CUL4A: variants seen among roughly 807,000 people sequenced by gnomAD.
The protein encoded by CUL4A is cullin-4A.
CUL4A carries 16 observed loss-of-function variants against 95.5 expected under a neutral mutation model. That is an observed-to-expected ratio of 0.17 (90% CI 0.11 to 0.25). The LOEUF (loss-of-function observed/expected upper bound fraction) is 0.25, where lower values mean the gene tolerates loss of function less well. Among genes scored for constraint, CUL4A ranks in the 10% least tolerant of loss-of-function variants. The pLI is 1.00. For synonymous variants in CUL4A, 380 were observed against 353.1 expected (o/e 1.08, Z -0.85); for missense variants, 610 against 937.0 (o/e 0.65, Z 4.56).
chr13:113,261,484 T>G (rs776589454), intron 19 of CUL4A, among the ~76,000 whole-genome samples: 2 of 152,166 alleles, frequency 1.3e-5, no homozygotes, highest in Non-Finnish European at 2.9e-5. Flanking sequence ...GAAGTGCCAC[T>G]GTCCATCAGC....
In CUL4A at chr13:113,245,242, G is replaced by A. The variant is rs756178940; in HGVS notation, c.1530+5G>A. On this transcript the variant is annotated splice_donor_5th_base_variant and intron_variant, in intron 14 of 19. Transcript: ENST00000375440. The stretch of plus-strand genomic sequence containing the variant: ...ATCATGGTTCATTTCAAGCAGGTGA[G>A]TTGTGTTTCTTAGGTAAAGCGGCTT... 6.2e-7 allele frequency: 1 copy of A among 1,613,886 alleles called. No homozygotes were observed.
At chr13:113,244,762 C>T (rs545540880) in intron 12 of CUL4A, among the ~76,000 whole-genome samples, 187 bp from the exon 13 acceptor site, 16 of 151,744 alleles carry the variant, frequency 1.1e-4, no homozygotes, top group South Asian at 4.2e-4. Flanking sequence ...ATGGCGTGAA[C>T]GCGGGAGGCG....
chr13:113,228,185 C>T, intron 4 of CUL4A, 140 bp downstream of exon 4: 1 of 673,842 alleles, frequency 1.5e-6, no homozygotes, highest in Non-Finnish European at 2.6e-6. Flanking sequence ...ATGAGAAAAG[C>T]AGGGAAGGTG....
At chr13:113,218,721 T>C (rs2040785430) in intron 2 of CUL4A, among the ~76,000 whole-genome samples, 1 of 152,192 alleles carries the variant, frequency 6.6e-6, no homozygotes, top group Non-Finnish European at 1.5e-5. Context: ...ACATTAACTG[T>C]TGTTACCTCT....
At chr13:113,249,370 T>C (rs2041936216) in intron 15 of CUL4A, among the ~76,000 whole-genome samples, 1 of 152,174 alleles carries the variant, frequency 6.6e-6, no homozygotes, top group Non-Finnish European at 1.5e-5. Context: ...CAGCGCTTTA[T>C]TCCATCCATG....
intron 5 of CUL4A, among the ~76,000 whole-genome samples, chr13:113,232,015 C>G: frequency 1.4e-5 from 1 of 69,400 alleles, no homozygotes. Context: ...ACTACTGCCA[C>G]CACCACCACC....
rs1470089259 is a variant in CUL4A at position 113,254,614 on chromosome 13, A to C, written c.1753-79A>C. On this transcript the variant is annotated intron_variant, in intron 16 of 19. Coordinates refer to ENST00000375440, the MANE Select transcript of CUL4A (RefSeq NM_001008895.4). Reference sequence around the variant, plus strand: ...CTTCTCAAAAAAAAAAAAGTTTGAGAGCAAAAAGAAGCTTCTTTTAATTTT... The same window carrying C: ...CTTCTCAAAAAAAAAAAAGTTTGAGCGCAAAAAGAAGCTTCTTTTAATTTT... The C allele has an allele frequency of 3.0e-6, 3 of 1,011,542 alleles. No homozygotes were observed. In the Admixed American group the frequency reaches 7.7e-5, roughly 26 times the overall value. 62.7% of individuals were successfully genotyped at this position (1,011,542 alleles called of 1,614,324 possible).
At chr13:113,251,558 C>T (rs1266957941) in intron 15 of CUL4A, among the ~76,000 whole-genome samples, 1 of 152,078 alleles carries the variant, frequency 6.6e-6, no homozygotes, top group Non-Finnish European at 1.5e-5. Context: ...GGGAAGCGAC[C>T]GGATCATGGG....
At chr13:113,263,394 A>G (rs2042340502) in intron 19 of CUL4A, 93 bp from the exon 20 acceptor site, 1 of 480,050 alleles carries the variant, frequency 2.1e-6, no homozygotes, top group African/African-American at 2.0e-5. Context: ...TTCTATAAGT[A>G]TAGTTACATA....
intron 3 of CUL4A, among the ~76,000 whole-genome samples, chr13:113,222,006 A>G (rs1272496892): frequency 6.6e-6 from 1 of 152,234 alleles, no homozygotes; most frequent in Non-Finnish European, 1.5e-5. Context: ...TGGATGAGGA[A>G]GTGGCAGGCG....
At chr13:113,218,708 C>T (rs2040784756) in intron 2 of CUL4A, among the ~76,000 whole-genome samples, 1 of 152,188 alleles carries the variant, frequency 6.6e-6, no homozygotes, top group Non-Finnish European at 1.5e-5. Flanking sequence ...GTGCAATGTG[C>T]CCACATTAAC....
chr13:113,214,007 C>G (rs564267427), intron 2 of CUL4A, among the ~76,000 whole-genome samples: 1 of 152,236 alleles, frequency 6.6e-6, no homozygotes, highest in Non-Finnish European at 1.5e-5. Flanking sequence ...GCAGGCAATA[C>G]ATTTGACTTG....
intron 3 of CUL4A, among the ~76,000 whole-genome samples, chr13:113,221,366 C>G (rs1007705362): frequency 1.3e-5 from 2 of 152,146 alleles, no homozygotes; most frequent in African/African-American, 4.8e-5. Flanking sequence ...TACATATAGA[C>G]CAGCACACCA....
Position 113,239,509 on chromosome 13 carries a change from C to G in CUL4A, c.993C>G (p.Gly331=). Residue 331 remains glycine, a synonymous_variant, in exon 10 of 20, where the codon GGC becomes GGG. Coordinates refer to ENST00000375440, the MANE Select transcript of CUL4A (RefSeq NM_001008895.4). ...ACCAGCTGTTCAGCCGGGTGAGGGG[C>G]GGGCAGCAGGCGCTGCTGCAGCACT... ...QMYQLFSRVR[G]GQQALLQHWS... The G allele has an allele frequency of 6.2e-7, 1 of 1,613,552 alleles. No homozygotes were observed. The highest frequency in any genetic ancestry group is 8.5e-7 in the Non-Finnish European group (1 of 1,179,802).
intron 12 of CUL4A, 73 bp from the exon 13 acceptor site, chr13:113,244,876 G>GT: frequency 1.0e-6 from 1 of 958,070 alleles, no homozygotes; most frequent in Non-Finnish European, 1.7e-6. Context: ...GTTTTCAGCA[G>GT]TTGAAGTTTG....
At chr13:113,232,971 G>A (rs1595384706) in intron 5 of CUL4A, among the ~76,000 whole-genome samples, 1 of 152,184 alleles carries the variant, frequency 6.6e-6, no homozygotes, top group East Asian at 1.9e-4. Context: ...CAGGAACGTG[G>A]AGCAGCTCTG....
chr13:113,211,585 A>C (rs1415347102), intron 2 of CUL4A, among the ~76,000 whole-genome samples: 6 of 152,070 alleles, frequency 3.9e-5, no homozygotes, highest in Non-Finnish European at 5.9e-5. Flanking sequence ...GGGTTTCGCC[A>C]TGTTGGGCAG....
rs1449532458 is a variant in CUL4A at position 113,233,209 on chromosome 13, T to C, written c.545T>C (p.Ile182Thr). 3 of 1,613,996 alleles carry C rather than the reference T, an allele frequency of 1.9e-6. No homozygotes were observed. Among genetic ancestry groups the C allele is most frequent in the Non-Finnish European group, 2.5e-6 (3 of 1,180,002 alleles). ...DMGLELFRTHIISDKMVQSKT... is the reference protein window; with the variant it reads ...DMGLELFRTHTISDKMVQSKT... Reference sequence around the variant, plus strand: ...GGATTAGAACTGTTTAGAACCCATATTATTAGTGATAAAATGGTTCAGAGT... The same window carrying C: ...GGATTAGAACTGTTTAGAACCCATACTATTAGTGATAAAATGGTTCAGAGT... Residue 182 changes from isoleucine to threonine, a missense_variant, in exon 6 of 20, where the codon ATT becomes ACT. Around this residue, in one of 10 missense-constraint regions of CUL4A, gnomAD observed 97 missense variants for 100.3 expected, o/e 0.97. Transcript: ENST00000375440.
intron 3 of CUL4A, among the ~76,000 whole-genome samples, chr13:113,220,474 C>T (rs1027011241): frequency 3.3e-5 from 5 of 152,238 alleles, no homozygotes; most frequent in Non-Finnish European, 5.9e-5. Flanking sequence ...AAGCAGGCCC[C>T]GCCCCAGTGC....
Sources: gnomAD v4.1 joint callset for allele counts (sites outside exome capture counted in the v4.1 genomes callset) on GRCh38, gnomAD v4.1.1 for gene constraint, gnomAD v4.1.1 regional missense constraint, MANE v1.5 for transcripts, NCBI Gene and HGNC (gene_info 2026-07-23, HGNC 2026-07-21) for gene names.